PCDHGA11: variants seen among roughly 807,000 people sequenced by gnomAD.
PCDHGA11 encodes the protein protocadherin gamma subfamily A, 11, also known as protocadherin gamma-A11.
A neutral mutation model predicts 60.4 loss-of-function variants in PCDHGA11; 39 were observed. The observed-to-expected ratio is 0.65, with a 90% CI of 0.50 to 0.84. The LOEUF is 0.84. Among genes scored for constraint, PCDHGA11 ranks in the 40% least tolerant of loss-of-function variants. The pLI is 0.00. For missense variants in PCDHGA11, 1,165 were observed against 1,197.7 expected (o/e 0.97, Z 0.40); for synonymous variants, 533 against 510.3 (o/e 1.04, Z -0.60).
In PCDHGA11 at chr5:141,423,666, A is replaced by G; in HGVS notation, c.2433+6A>G. The G allele has an allele frequency of 6.7e-7, 1 of 1,494,380 alleles. No individual in the cohort carries two copies. The highest frequency in any genetic ancestry group is 8.9e-7 in the Non-Finnish European group (1 of 1,120,848). 92.6% of individuals were successfully genotyped at this position (1,494,380 alleles called of 1,614,324 possible). On this transcript the variant is annotated splice_donor_region_variant and intron_variant, in intron 1 of 3. Transcript: ENST00000398587. ...GTGACCCGACAAGTAATCAGGTGAG[A>G]TTTATTTCTCTGCCTCCTAATTGTT...
intron 1 of PCDHGA11, among the ~76,000 whole-genome samples, chr5:141,484,306 C>T (rs1009067603): frequency 6.6e-6 from 1 of 152,184 alleles, no homozygotes; most frequent in African/African-American, 2.4e-5. Context: ...GCTTCCTCCA[C>T]CCCGCTTCCA....
At chr5:141,459,891 CT>C (rs1405964049) in intron 1 of PCDHGA11, among the ~76,000 whole-genome samples, 1 of 152,158 alleles carries the variant, frequency 6.6e-6, no homozygotes, top group African/African-American at 2.4e-5. Flanking sequence ...TGAACGCCTT[CT>C]TAAAATTGAG....
At position 141,438,956 on chromosome 5, in the gene PCDHGA11, G is replaced by A. The variant is rs140181975; in HGVS notation, c.2433+15296G>A. 3.9e-3 allele frequency among the ~76,000 whole-genome samples: 592 copies of A among 151,974 alleles called. 6 individuals are homozygous for A. Among genetic ancestry groups the A allele is most frequent in the Admixed American group, 0.011 (171 of 15,242 alleles). On this transcript the variant is annotated intron_variant, in intron 1 of 3. Coordinates refer to ENST00000398587, the MANE Select transcript of PCDHGA11 (RefSeq NM_018914.3). ...GCTGGGATTATAGGCATGAGCCACCGCACCCTGCCAACTGTCTGACTTATC... is the reference window on the plus strand; with the variant it reads ...GCTGGGATTATAGGCATGAGCCACCACACCCTGCCAACTGTCTGACTTATC...
intron 1 of PCDHGA11, among the ~76,000 whole-genome samples, chr5:141,455,576 G>T (rs752051075): frequency 1.3e-5 from 2 of 152,154 alleles, no homozygotes; most frequent in Non-Finnish European, 2.9e-5. Flanking sequence ...TCCCACCCCA[G>T]CCTTTTAATA....
chr5:141,500,434 C>T (rs1216731905), intron 2 of PCDHGA11, among the ~76,000 whole-genome samples: 1 of 152,014 alleles, frequency 6.6e-6, no homozygotes, highest in Non-Finnish European at 1.5e-5. Flanking sequence ...TGGTCTCGAT[C>T]TCCTGACCTC....
chr5:141,504,752 A>G (rs1194764381), intron 2 of PCDHGA11, among the ~76,000 whole-genome samples: 23 of 151,894 alleles, frequency 1.5e-4, no homozygotes, highest in Non-Finnish European at 3.2e-4. Flanking sequence ...TGAATTTTAG[A>G]AATTTCTTCT....
rs1488446232 is a variant in PCDHGA11, at chr5:141,493,171, A to G, written c.2434-1636A>G. On this transcript the variant is annotated intron_variant, in intron 1 of 3. Coordinates refer to ENST00000398587, the MANE Select transcript of PCDHGA11 (RefSeq NM_018914.3). This position sits in a 1 kb window ranked among gnomAD's most constrained non-coding sequence, Gnocchi z 4.3. ...GGTGATTTTGATAGCTGATTGAGAG[A>G]AACTTACTATATAACTCCTTTGAGA... is the stretch of plus-strand genomic sequence containing the variant. 6.6e-6 allele frequency among the ~76,000 whole-genome samples: 1 copy of G among 152,214 alleles called. No homozygotes were observed. The highest frequency in any genetic ancestry group is 1.5e-5 in the Non-Finnish European group (1 of 68,034).
In PCDHGA11 at chr5:141,477,500, T is replaced by C. The variant is rs757547508; in HGVS notation, c.2434-17307T>C. The C allele has an allele frequency of 3.1e-6, 5 of 1,614,156 alleles. No homozygotes were observed. Among genetic ancestry groups the C allele is most frequent in the Non-Finnish European group, 4.2e-6 (5 of 1,180,026 alleles). ...CCCTCCACAATCTTCTCAATCTTCC[T>C]ACGACGTTTACATTGAAGAAAACAA... On this transcript the variant is annotated intron_variant, in intron 1 of 3. Coordinates refer to ENST00000398587, the MANE Select transcript of PCDHGA11 (RefSeq NM_018914.3). This position sits in a 1 kb window ranked among gnomAD's most constrained non-coding sequence, Gnocchi z 4.9.
chr5:141,508,183 A>G (rs1596134418), intron 3 of PCDHGA11: 1 of 152,336 alleles, frequency 6.6e-6, no homozygotes, highest in African/African-American at 2.4e-5. Context: ...GAGAGAAGGC[A>G]TCACCCCCAC....
intron 1 of PCDHGA11, chr5:141,430,875 T>C: frequency 6.3e-7 from 1 of 1,599,398 alleles, no homozygotes; most frequent in Non-Finnish European, 8.5e-7. Context: ...CCGGAAGAGC[T>C]GGAGAAAGGC....
rs10040701 is a variant in PCDHGA11 at position 141,508,490 on chromosome 5, A to G, written c.2582-2457A>G. ...TCTTTCTTTTACATTCTGGATTTCC[A>G]TATCTTCTCTCCCTCCTGGTCCAGC... On this transcript the variant is annotated intron_variant, in intron 3 of 3. Transcript: ENST00000398587. Among the ~76,000 whole-genome samples, 377 of 152,202 alleles carry G rather than the reference A, an allele frequency of 2.5e-3. 1 individual carries two copies. The highest frequency in any genetic ancestry group is 8.6e-3 in the African/African-American group (358 of 41,530).
At position 141,487,448 on chromosome 5, in the gene PCDHGA11, C is replaced by T; in HGVS notation, c.2434-7359C>T. The stretch of plus-strand genomic sequence containing the variant: ...CCGAATCCAGCTAGGGTCAGATGAC[C>T]CTATCAAGTTTGTTGATGTGGGAGG... On this transcript the variant is annotated intron_variant, in intron 1 of 3. Coordinates refer to ENST00000398587, the MANE Select transcript of PCDHGA11 (RefSeq NM_018914.3). The surrounding 1 kb of genome is among the most constrained non-coding windows in gnomAD (Gnocchi z 5.0). 6.8e-6 allele frequency: 11 copies of T among 1,614,146 alleles called. No individual in the cohort carries two copies. The highest frequency in any genetic ancestry group is 9.3e-6 in the Non-Finnish European group (11 of 1,180,028).
chr5:141,432,266 T>G lies in PCDHGA11; in HGVS notation c.2433+8606T>G. ...CACCATCCAAGGGGCAAGCCTATCG[T>G]CCTACGTGTCCATCAACTCCGACAC... On this transcript the variant is annotated intron_variant, in intron 1 of 3. Transcript: ENST00000398587. This position sits in a 1 kb window ranked among gnomAD's most constrained non-coding sequence, Gnocchi z 6.0. The G allele has an allele frequency of 6.2e-7, 1 of 1,614,214 alleles. No individual in the cohort carries two copies. Among genetic ancestry groups the G allele is most frequent in the East Asian group, 2.2e-5 (1 of 44,880 alleles).
chr5:141,423,577 G>T lies in PCDHGA11; in HGVS notation c.2350G>T (p.Glu784Ter), dbSNP rs1348410879. ...CTATGGGGACACGCTCATCAGCCAG[G>T]AGAGCTGTGAGAAAAGCGAGCCACT... The part of the protein sequence containing the change: ...PNYGDTLISQ[E>*]SCEKSEPLLI... Residue 784 changes from glutamate (E) to a stop codon, truncating the protein, a stop_gained, in exon 1 of 4, where the codon GAG (glutamate) becomes TAG (stop). Coordinates refer to ENST00000398587, the MANE Select transcript of PCDHGA11 (RefSeq NM_018914.3). LOFTEE classifies it high-confidence loss of function. 1 of 1,613,478 alleles carries T rather than the reference G, an allele frequency of 6.2e-7. No homozygotes were observed. The highest frequency in any genetic ancestry group is 1.7e-5 in the Admixed American group (1 of 60,012).
chr5:141,504,158 T>G (rs890874880), intron 2 of PCDHGA11, among the ~76,000 whole-genome samples: 1 of 152,222 alleles, frequency 6.6e-6, no homozygotes, highest in Non-Finnish European at 1.5e-5. Context: ...TGAAATAATT[T>G]CATCCTTGGA....
intron 1 of PCDHGA11, among the ~76,000 whole-genome samples, chr5:141,470,598 G>A (rs2099234276): frequency 6.6e-6 from 1 of 152,184 alleles, no homozygotes; most frequent in Admixed American, 6.5e-5. Flanking sequence ...GGCGACCTGT[G>A]CGGGGACACA....
rs767397479 is a variant in PCDHGA11 at position 141,430,717 on chromosome 5, T to C, written c.2433+7057T>C. On this transcript the variant is annotated intron_variant, in intron 1 of 3. Transcript: ENST00000398587. ...GCGAAGGAACTGCTCCTGACTTCAG[T>C]GGTTAAGGGCAGAATTGAAAATAAT... is the stretch of plus-strand genomic sequence containing the variant. The C allele has an allele frequency of 8.1e-6, 12 of 1,475,446 alleles. No individual in the cohort carries two copies. The East Asian group carries it at 2.4e-4, about 29-fold the overall frequency. 91.4% of individuals were successfully genotyped at this position (1,475,446 alleles called of 1,614,324 possible). A position where few individuals can be genotyped will look rare whatever the true frequency, so the allele number is the denominator to read the frequency against.
At chr5:141,499,189 C>T (rs1406015145) in intron 2 of PCDHGA11, among the ~76,000 whole-genome samples, 3 of 152,088 alleles carry the variant, frequency 2.0e-5, no homozygotes, top group African/African-American at 7.2e-5. Flanking sequence ...AAACCATTTC[C>T]CCCTTCTTAG....
intron 1 of PCDHGA11, chr5:141,441,671 C>A (rs1027440120): frequency 7.0e-6 from 2 of 287,530 alleles, no homozygotes; most frequent in South Asian, 2.9e-5. Flanking sequence ...GCGCACAGTG[C>A]GCCTTCGACC....
Sources: allele counts gnomAD v4.1 joint callset (sites outside exome capture counted in the v4.1 genomes callset), GRCh38; gene constraint gnomAD v4.1.1; non-coding constraint Gnocchi (gnomAD v3.1); transcripts MANE v1.5; gene names NCBI Gene and HGNC (gene_info 2026-07-23, HGNC 2026-07-21).